Variants in DYNC1I2 observed in about 807,000 individuals in gnomAD.
The protein encoded by DYNC1I2 is dynein cytoplasmic 1 intermediate chain 2.
A neutral mutation model predicts 88.6 loss-of-function variants in DYNC1I2; 53 were observed. The ratio of observed to expected loss-of-function variants is 0.60; its 90% CI spans 0.48 to 0.75. The LOEUF (loss-of-function observed/expected upper bound fraction) is 0.75. Among genes scored for constraint, DYNC1I2 ranks in the 30% least tolerant of loss-of-function variants. The probability of loss-of-function intolerance (pLI) is 0.00; values close to 1 mark genes in which losing one functional copy is unlikely to be tolerated. For missense variants in DYNC1I2, 458 were observed against 766.6 expected (o/e 0.60, Z 4.75); for synonymous variants, 198 against 254.6 (o/e 0.78, Z 2.12).
chr2:171,712,974 G>C (rs139271670), intron 6 of DYNC1I2, 148 bp downstream of exon 6: 2 of 660,128 alleles, frequency 3.0e-6, no homozygotes, highest in Non-Finnish European at 5.2e-6. Flanking sequence ...CATTTATCCA[G>C]TATCTTTAGT....
chr2:171,701,474 GC>G (rs1162618834), intron 3 of DYNC1I2, among the ~76,000 whole-genome samples: 1 of 152,158 alleles, frequency 6.6e-6, no homozygotes, highest in African/African-American at 2.4e-5. Flanking sequence ...CCAGCCCCTT[GC>G]TGTTTTTCTT....
chr2:171,700,243 T>C (rs1301957511), intron 3 of DYNC1I2, among the ~76,000 whole-genome samples: 1 of 152,202 alleles, frequency 6.6e-6, no homozygotes, highest in African/African-American at 2.4e-5. Flanking sequence ...TTGAGTATCC[T>C]GGTAGCATGT....
At chr2:171,731,149 A>G (rs1199466375) in intron 15 of DYNC1I2, among the ~76,000 whole-genome samples, 7 of 152,192 alleles carry the variant, frequency 4.6e-5, no homozygotes, top group African/African-American at 9.7e-5. Context: ...GCCTGAATAC[A>G]TTTAATAAGT....
At chr2:171,722,062 G>T (rs1687939564) in intron 7 of DYNC1I2, among the ~76,000 whole-genome samples, 1 of 152,116 alleles carries the variant, frequency 6.6e-6, no homozygotes, top group African/African-American at 2.4e-5. Context: ...AATGTACTGT[G>T]AGGTACAGAT....
At chr2:171,744,636 A>G (rs1164284667) in intron 16 of DYNC1I2, among the ~76,000 whole-genome samples, 1 of 152,200 alleles carries the variant, frequency 6.6e-6, no homozygotes, top group Non-Finnish European at 1.5e-5. Flanking sequence ...GGAAAAATAT[A>G]TTTTGATTTT....
chr2:171,725,929 T>G lies in DYNC1I2; in HGVS notation c.618T>G (p.His206Gln), dbSNP rs749723540. The change falls in exon 9 of 18, where the codon CAT (histidine) becomes CAG (glutamine). Residue 206 changes from histidine (H) to glutamine (Q), a missense_variant. By Grantham distance (24) the His-to-Gln change is conservative. Transcript: ENST00000397119. ...DEENDSKAPP[H>Q]ELTEEEKQQI... ...TTATTTATTTTCCAGCTCCCCCTCA[T>G]GAGCTGACTGAAGAAGAAAAGCAAC... 1 of 1,572,494 alleles carries G rather than the reference T, an allele frequency of 6.4e-7. No individual in the cohort carries two copies. The highest frequency in any genetic ancestry group is 2.2e-5 in the East Asian group (1 of 44,494).
intron 3 of DYNC1I2, among the ~76,000 whole-genome samples, chr2:171,693,958 T>C (rs1012193956): frequency 6.6e-6 from 1 of 152,122 alleles, no homozygotes; most frequent in African/African-American, 2.4e-5. Flanking sequence ...TTGGCTTTTG[T>C]TTTTCTCCTA....
At chr2:171,708,336 A>G (rs1016339267) in intron 5 of DYNC1I2, among the ~76,000 whole-genome samples, 8 of 152,210 alleles carry the variant, frequency 5.3e-5, no homozygotes, top group African/African-American at 1.7e-4. Flanking sequence ...AGGGCAAGAA[A>G]AAAAAAGCAA....
At chr2:171,695,776 G>C (rs1383792631) in intron 3 of DYNC1I2, among the ~76,000 whole-genome samples, 1 of 152,214 alleles carries the variant, frequency 6.6e-6, no homozygotes, top group East Asian at 1.9e-4. Context: ...TAGGTTCTGC[G>C]TGTCACTCTC....
chr2:171,730,198 G>T (rs983589847), intron 15 of DYNC1I2, among the ~76,000 whole-genome samples: 19 of 152,108 alleles, frequency 1.2e-4, no homozygotes, highest in African/African-American at 3.6e-4. Context: ...CAAAAGCTAT[G>T]CATTTGCTCT....
At chr2:171,741,103 G>T (rs1178162865) in intron 15 of DYNC1I2, among the ~76,000 whole-genome samples, 2 of 152,194 alleles carry the variant, frequency 1.3e-5, no homozygotes, top group African/African-American at 4.8e-5. Context: ...ATGTTTTCAA[G>T]GGTCATCCTT....
intron 10 of DYNC1I2, 151 bp from the exon 11 acceptor site, chr2:171,726,640 C>A: frequency 4.0e-6 from 3 of 753,232 alleles, no homozygotes; most frequent in South Asian, 2.6e-5. Context: ...TACTAATGTC[C>A]CAGTAGGCAT....
In DYNC1I2 at chr2:171,729,835, A is replaced by G. The variant is rs374379709; in HGVS notation, c.1518A>G (p.Val506=). ...LFVTSSFDWT[V]KLWTTKNNKP... ...TCACTTCATCGTTTGACTGGACAGT[A>G]AAGCTTTGGACAACTAAGGTATCTA... The change falls in exon 15 of 18, where the codon GTA becomes GTG. Residue 506 remains valine, a synonymous_variant. Transcript: ENST00000397119. 1.1e-5 allele frequency: 18 copies of G among 1,613,594 alleles called. No individual in the cohort carries two copies. The African/African-American group carries it at 2.4e-4, about 22-fold the overall frequency.
intron 3 of DYNC1I2, among the ~76,000 whole-genome samples, chr2:171,696,329 T>G (rs1342169133): frequency 6.6e-6 from 1 of 152,136 alleles, no homozygotes; most frequent in African/African-American, 2.4e-5. Context: ...TCAAAAGAAA[T>G]ACTGATTAGA....
intron 1 of DYNC1I2, among the ~76,000 whole-genome samples, chr2:171,689,213 A>G (rs569120568): frequency 8.5e-5 from 13 of 152,328 alleles, no homozygotes; most frequent in Admixed American, 7.8e-4. Context: ...TTTCAAGTAC[A>G]TTACAATCTA....
chr2:171,729,152 A>G (rs943631527), intron 14 of DYNC1I2, among the ~76,000 whole-genome samples: 2 of 152,164 alleles, frequency 1.3e-5, no homozygotes, highest in African/African-American at 4.8e-5. Flanking sequence ...ATATTGACCT[A>G]TAGACTTATA....
rs369331292 is a variant in DYNC1I2 at position 171,745,847 on chromosome 2, C to T, written c.1723C>T (p.Arg575Cys). Residue 575 changes from arginine (R) to cysteine (C), a missense_variant, in exon 17 of 18, where the codon CGT (arginine) becomes TGT (cysteine). Physicochemically the swap from Arg to Cys is radical, Grantham distance 180 (BLOSUM62 -3). Transcript: ENST00000397119. ...ISVEGNPALN[R>C]VRWTHSGREI... The stretch of plus-strand genomic sequence containing the variant: ...TGTGGAGGGTAATCCTGCTCTTAAT[C>T]GTGTGAGATGGACCCATTCTGGCAG... The T allele has an allele frequency of 1.9e-5, 31 of 1,613,668 alleles. No individual in the cohort carries two copies. The highest frequency in any genetic ancestry group is 3.3e-5 in the South Asian group (3 of 91,076).
chr2:171,699,728 C>T (rs944717267), intron 3 of DYNC1I2, among the ~76,000 whole-genome samples: 1 of 151,796 alleles, frequency 6.6e-6, no homozygotes, highest in African/African-American at 2.4e-5. Context: ...TAGCTTCAGT[C>T]TCCTGGGCTC....
chr2:171,706,232 T>G (rs1686668171), intron 3 of DYNC1I2, among the ~76,000 whole-genome samples: 1 of 152,164 alleles, frequency 6.6e-6, no homozygotes, highest in South Asian at 2.1e-4. Flanking sequence ...CAACATAAAC[T>G]GTATTAGTCA....
Sources: allele counts gnomAD v4.1 joint callset (sites outside exome capture counted in the v4.1 genomes callset), GRCh38; gene constraint gnomAD v4.1.1; transcripts MANE v1.5; gene names NCBI Gene and HGNC (gene_info 2026-07-23, HGNC 2026-07-21).